The following AUTS2 variants were observed in gnomAD, a reference collection of about 807,000 sequenced individuals.
AUTS2 encodes activator of transcription and developmental regulator AUTS2.
AUTS2 carries 17 observed loss-of-function variants against 112.4 expected under a neutral mutation model. The observed-to-expected ratio is 0.15, with a 90% CI of 0.10 to 0.23. The LOEUF (loss-of-function observed/expected upper bound fraction) is 0.23, where lower values mean the gene tolerates loss of function less well. AUTS2 is among the 10% of genes least tolerant of loss of function. The pLI, the probability that AUTS2 is intolerant of heterozygous loss-of-function variation, is 1.00. For missense variants in AUTS2, 1,510 were observed against 1,701.6 expected, an observed-to-expected ratio of 0.89 and a Z score of 1.98; for synonymous variants, 751 against 702.7, an observed-to-expected ratio of 1.07 and a Z score of -1.09.
chr7:70,475,861 C>A (rs925200159), intron 5 of AUTS2, among the ~76,000 whole-genome samples: 2 of 152,092 alleles, frequency 1.3e-5, no homozygotes, highest in Admixed American at 6.6e-5. Context: ...CATAGTGAGA[C>A]CCTGTCTCTA....
chr7:69,956,091 C>T (rs1797198489), intron 2 of AUTS2, among the ~76,000 whole-genome samples: 1 of 152,032 alleles, frequency 6.6e-6, no homozygotes, highest in Non-Finnish European at 1.5e-5. Flanking sequence ...AGAGGCAAAT[C>T]TCACTTAGGC....
chr7:70,178,795 T>TAAAA (rs530415474), intron 4 of AUTS2, among the ~76,000 whole-genome samples: 1 of 146,384 alleles, frequency 6.8e-6, no homozygotes, highest in Non-Finnish European at 1.5e-5. Flanking sequence ...GGAGACTGTC[T>TAAAA]AAAAAAAAAA....
At chr7:70,557,595 A>G (rs372780205) in intron 5 of AUTS2, among the ~76,000 whole-genome samples, 18 of 152,252 alleles carry the variant, frequency 1.2e-4, no homozygotes, top group African/African-American at 3.9e-4. Flanking sequence ...TGTAGCAGAC[A>G]TGCAAAGCCC....
At position 69,899,292 on chromosome 7, in the gene AUTS2, G is replaced by A; in HGVS notation, c.316G>A (p.Val106Ile). The A allele has an allele frequency of 2.5e-6, 4 of 1,612,294 alleles. No individual in the cohort carries two copies. Among genetic ancestry groups the A allele is most frequent in the Non-Finnish European group, 3.4e-6 (4 of 1,178,466 alleles). Residue 106 changes from valine (V) to isoleucine (I), a missense_variant, in exon 2 of 19, where the codon GTA becomes ATA. Val to Ile is a conservative substitution (Grantham distance 29). Transcript: ENST00000342771. ...FVTFEALEKD[V>I]ALKPQERVEK... ...CTTCTCTTCTTTTCTACAGAAAGAT[G>A]TAGCACTTAAGCCTCAGGAACGTGT...
chr7:69,886,007 C>G (rs1450201244), intron 1 of AUTS2, among the ~76,000 whole-genome samples: 1 of 152,156 alleles, frequency 6.6e-6, no homozygotes, highest in Non-Finnish European at 1.5e-5. Flanking sequence ...GCTCTGGAGG[C>G]AAACCCTCCA....
rs371041606 is a variant in AUTS2, at chr7:70,721,645, T to C, written c.742+23025T>C. Among the ~76,000 whole-genome samples, 7 of 152,216 alleles carry C rather than the reference T, an allele frequency of 4.6e-5. No homozygotes were observed. The East Asian group carries it at 1.3e-3, about 29-fold the overall frequency. On this transcript the variant is annotated intron_variant, in intron 6 of 18. Transcript: ENST00000342771. ...ACTGAGATGTTGTACATAGCTTTGCTTGTAGCAGTTCATGACCTGCTACTG... is the reference window on the plus strand; with the variant it reads ...ACTGAGATGTTGTACATAGCTTTGCCTGTAGCAGTTCATGACCTGCTACTG...
At chr7:69,926,506 C>A (rs1353892543) in intron 2 of AUTS2, among the ~76,000 whole-genome samples, 1 of 151,350 alleles carries the variant, frequency 6.6e-6, no homozygotes, top group Non-Finnish European at 1.5e-5. Context: ...TGCCTACCTA[C>A]CTACCTATAT....
intron 1 of AUTS2, among the ~76,000 whole-genome samples, chr7:69,775,455 T>C (rs1788851468): frequency 1.3e-5 from 2 of 152,158 alleles, no homozygotes; most frequent in African/African-American, 4.8e-5. Context: ...TTAAATCTTG[T>C]CAAGGAAGCC....
chr7:70,481,369 A>G (rs1037271921), intron 5 of AUTS2, among the ~76,000 whole-genome samples: 2 of 152,220 alleles, frequency 1.3e-5, no homozygotes, highest in African/African-American at 4.8e-5. Context: ...GTTTGTGGTC[A>G]ACTCCTGTGG....
intron 4 of AUTS2, among the ~76,000 whole-genome samples, chr7:70,327,303 A>T (rs1790536043): frequency 6.6e-6 from 1 of 152,100 alleles, no homozygotes; most frequent in South Asian, 2.1e-4. Context: ...CACCTTCAGA[A>T]AGCACTATTT....
At chr7:69,717,106 C>T (rs1194291543) in intron 1 of AUTS2, among the ~76,000 whole-genome samples, 1 of 152,144 alleles carries the variant, frequency 6.6e-6, no homozygotes, top group Non-Finnish European at 1.5e-5. Flanking sequence ...AACTTTTAGC[C>T]TCCTCTCTTA....
intron 2 of AUTS2, among the ~76,000 whole-genome samples, chr7:69,978,896 A>ACACACG (rs1432751676): frequency 6.9e-6 from 1 of 144,084 alleles, no homozygotes; most frequent in African/African-American, 2.6e-5. Flanking sequence ...ACACACACAC[A>ACACACG]CACACGCACA....
At chr7:70,764,521 C>A (rs1386471422) in intron 7 of AUTS2, among the ~76,000 whole-genome samples, 1 of 151,898 alleles carries the variant, frequency 6.6e-6, no homozygotes, top group Non-Finnish European at 1.5e-5. Flanking sequence ...ACCAAGATGC[C>A]CCACAGCCCT....
intron 4 of AUTS2, among the ~76,000 whole-genome samples, chr7:70,185,955 A>G (rs1041434058): frequency 1.3e-5 from 2 of 152,224 alleles, no homozygotes; most frequent in African/African-American, 4.8e-5. Flanking sequence ...TAAAAAACAA[A>G]TAGATCTGTT....
At chr7:70,375,617 C>T (rs2129631174) in intron 4 of AUTS2, among the ~76,000 whole-genome samples, 1 of 152,300 alleles carries the variant, frequency 6.6e-6, no homozygotes, top group Middle Eastern at 3.4e-3. Flanking sequence ...AATGATTCCA[C>T]ATTTTAGCTT....
chr7:70,159,227 C>G (rs1255811555), intron 4 of AUTS2, among the ~76,000 whole-genome samples: 1 of 152,156 alleles, frequency 6.6e-6, no homozygotes, highest in Non-Finnish European at 1.5e-5. Context: ...TGATTTCTCT[C>G]CTGCTGAATC....
At chr7:70,377,590 G>A (rs909413278) in intron 4 of AUTS2, among the ~76,000 whole-genome samples, 3 of 150,690 alleles carry the variant, frequency 2.0e-5, no homozygotes, top group Non-Finnish European at 3.0e-5. Flanking sequence ...AACATTTTTC[G>A]TCTTCCCAAA....
intron 1 of AUTS2, among the ~76,000 whole-genome samples, chr7:69,636,249 AAGACGGAG>A (rs1341942623): frequency 1.3e-5 from 2 of 152,242 alleles, no homozygotes; most frequent in Non-Finnish European, 2.9e-5. Flanking sequence ...TTTTCTTCTT[AAGACGGAG>A]TCTCAATCTG....
chr7:70,322,405 C>G (rs1166766695), intron 4 of AUTS2, among the ~76,000 whole-genome samples: 1 of 152,108 alleles, frequency 6.6e-6, no homozygotes, highest in African/African-American at 2.4e-5. Flanking sequence ...AATCTTTCTG[C>G]AAAGCCCTTG....
Sources: gnomAD v4.1 joint callset for allele counts (sites outside exome capture counted in the v4.1 genomes callset) on GRCh38, gnomAD v4.1.1 for gene constraint, MANE v1.5 for transcripts, NCBI Gene and HGNC (gene_info 2026-07-23, HGNC 2026-07-21) for gene names.